Variants in KIAA1217 observed in about 807,000 individuals in gnomAD.
The protein encoded by KIAA1217 is sickle tail protein homolog.
A neutral mutation model predicts 163.9 loss-of-function variants in KIAA1217; 88 were observed. The observed-to-expected ratio is 0.54, with a 90% confidence interval of 0.45 to 0.64. KIAA1217 has a LOEUF of 0.64. KIAA1217 is among the 30% of genes least tolerant of loss of function. The probability of loss-of-function intolerance (pLI) is 0.00; values close to 1 mark genes in which losing one functional copy is unlikely to be tolerated. For missense variants in KIAA1217, 2,372 were observed against 2,475.0 expected, an observed-to-expected ratio of 0.96 and a Z score of 0.88; for synonymous variants, 903 against 923.1, an observed-to-expected ratio of 0.98 and a Z score of 0.39.
At chr10:23,922,110 C>G (rs956164611) in intron 1 of KIAA1217, among the ~76,000 whole-genome samples, 1 of 152,010 alleles carries the variant, frequency 6.6e-6, no homozygotes, top group African/African-American at 2.4e-5. Flanking sequence ...TTTAATCAAT[C>G]ATGACTACAT....
chr10:23,741,517 CAAAG>C (rs368459921), intron 1 of KIAA1217, among the ~76,000 whole-genome samples: 13 of 152,282 alleles, frequency 8.5e-5, no homozygotes, highest in African/African-American at 3.1e-4. Context: ...GTTCATTGAA[CAAAG>C]AAAGCACATT....
chr10:23,727,508 C>T (rs529733380), intron 1 of KIAA1217, among the ~76,000 whole-genome samples: 5 of 151,868 alleles, frequency 3.3e-5, no homozygotes, highest in Non-Finnish European at 5.9e-5. Context: ...TGCAGTGAGC[C>T]GAGATCACCC....
chr10:24,241,557 G>T (rs2073104937), intron 2 of KIAA1217, among the ~76,000 whole-genome samples: 1 of 152,090 alleles, frequency 6.6e-6, no homozygotes, highest in Non-Finnish European at 1.5e-5. Flanking sequence ...AATGTTACAG[G>T]TATTTTCGGA....
At chr10:24,067,880 T>G (rs2061026058) in intron 2 of KIAA1217, among the ~76,000 whole-genome samples, 1 of 152,160 alleles carries the variant, frequency 6.6e-6, no homozygotes, top group African/African-American at 2.4e-5. Flanking sequence ...TGCCTTACAG[T>G]TTGATCTCAG....
At chr10:24,502,950 C>A (rs897625615) in intron 9 of KIAA1217, among the ~76,000 whole-genome samples, 1 of 152,150 alleles carries the variant, frequency 6.6e-6, no homozygotes, top group African/African-American at 2.4e-5. Flanking sequence ...AGCACCATTG[C>A]ACTCCAGCCT....
intron 1 of KIAA1217, among the ~76,000 whole-genome samples, chr10:23,853,997 T>G (rs1247565067): frequency 1.3e-5 from 2 of 152,228 alleles, no homozygotes; most frequent in Non-Finnish European, 2.9e-5. Context: ...TGAAGGATTT[T>G]TGTGTCTCTA....
chr10:24,516,188 C>A (rs1461966311), intron 10 of KIAA1217, among the ~76,000 whole-genome samples: 1 of 152,194 alleles, frequency 6.6e-6, no homozygotes, highest in African/African-American at 2.4e-5. Flanking sequence ...GCAGTAGAAC[C>A]CTGCAAACCA....
chr10:24,513,079 G>T (rs950964639), intron 9 of KIAA1217, among the ~76,000 whole-genome samples, 180 bp from the exon 10 acceptor site: 1 of 152,222 alleles, frequency 6.6e-6, no homozygotes, highest in African/African-American at 2.4e-5. Flanking sequence ...CCAAAATTCA[G>T]ATGTTGGTGG....
chr10:24,248,697 A>AAAAAAT (rs2074130142), intron 2 of KIAA1217, among the ~76,000 whole-genome samples: 2 of 150,456 alleles, frequency 1.3e-5, no homozygotes, highest in Admixed American at 6.6e-5. Flanking sequence ...AAAAAAAAAA[A>AAAAAAT]TGTCCCTCAT....
At chr10:24,220,669 T>C (rs2069487301) in intron 2 of KIAA1217, among the ~76,000 whole-genome samples, 1 of 151,524 alleles carries the variant, frequency 6.6e-6, no homozygotes, top group Non-Finnish European at 1.5e-5. Flanking sequence ...TTACCCAGGA[T>C]GGTCTCGATC....
At chr10:23,923,061 T>A (rs1450638965) in intron 1 of KIAA1217, among the ~76,000 whole-genome samples, 1 of 152,132 alleles carries the variant, frequency 6.6e-6, no homozygotes, top group Non-Finnish European at 1.5e-5. Context: ...GGGTACACTG[T>A]ACCCAATATG....
chr10:24,170,301 G>A (rs2065565697), intron 2 of KIAA1217, among the ~76,000 whole-genome samples: 1 of 152,228 alleles, frequency 6.6e-6, no homozygotes, highest in Non-Finnish European at 1.5e-5. Context: ...GGAGAGGAAG[G>A]TGGGACTCCC....
chr10:23,766,634 G>C (rs1020978335), intron 1 of KIAA1217, among the ~76,000 whole-genome samples: 16 of 147,784 alleles, frequency 1.1e-4, no homozygotes, highest in African/African-American at 4.1e-4. Context: ...TGTGACTCAG[G>C]CTGGAGTGCA....
At chr10:23,787,276 G>C (rs1835536161) in intron 1 of KIAA1217, among the ~76,000 whole-genome samples, 1 of 152,110 alleles carries the variant, frequency 6.6e-6, no homozygotes, top group Non-Finnish European at 1.5e-5. Context: ...TAGAATATAT[G>C]AGATTCTAAG....
chr10:24,296,266 G>C (rs2040596337), intron 2 of KIAA1217, among the ~76,000 whole-genome samples: 1 of 152,074 alleles, frequency 6.6e-6, no homozygotes, highest in Non-Finnish European at 1.5e-5. Context: ...ATCAAACCCA[G>C]TTAATTTTTA....
chr10:24,506,634 A>G (rs1339003120), intron 9 of KIAA1217, among the ~76,000 whole-genome samples: 1 of 152,242 alleles, frequency 6.6e-6, no homozygotes, highest in African/African-American at 2.4e-5. Flanking sequence ...AAGCAAATGT[A>G]TGAAACAAAT....
rs184859435 is a variant in KIAA1217, at chr10:24,046,860, G to A, written c.-171+39486G>A. 3.9e-3 allele frequency among the ~76,000 whole-genome samples: 586 copies of A among 151,444 alleles called. 4 individuals are homozygous for A. The highest frequency in any genetic ancestry group is 5.9e-3 in the Non-Finnish European group (397 of 67,802). On this transcript the variant is annotated intron_variant, in intron 2 of 18. Transcript: ENST00000376462. ...GAGCCTTGTACTTGCACATTTCACC[G>A]TGATGCTAGACCACCTTTCTACACA...
intron 1 of KIAA1217, among the ~76,000 whole-genome samples, chr10:23,876,255 C>T (rs773491696): frequency 1.3e-5 from 2 of 151,728 alleles, no homozygotes; most frequent in African/African-American, 2.4e-5. Flanking sequence ...TGCAGGTTCT[C>T]ACCTGTAAGT....
intron 3 of KIAA1217, among the ~76,000 whole-genome samples, chr10:24,423,258 G>C (rs2058896235): frequency 6.6e-6 from 1 of 150,856 alleles, no homozygotes; most frequent in South Asian, 2.1e-4. Context: ...TGCTAACATA[G>C]GTTTCCTCAC....
Sources: gnomAD v4.1 joint callset for allele counts (sites outside exome capture counted in the v4.1 genomes callset) on GRCh38, gnomAD v4.1.1 for gene constraint, MANE v1.5 for transcripts, NCBI Gene and HGNC (gene_info 2026-07-23, HGNC 2026-07-21) for gene names.